Variants in KCNN2 observed in about 807,000 individuals in gnomAD.
KCNN2 encodes potassium calcium-activated channel subfamily N member 2, also known as small conductance calcium-activated potassium channel protein 2.
KCNN2 carries 24 observed loss-of-function variants against 55.5 expected under a neutral mutation model. That is an observed-to-expected ratio of 0.43 (90% CI 0.31 to 0.61). The LOEUF is 0.61. Ranked by LOEUF, KCNN2 falls within the 20% of genes least tolerant of loss-of-function variation. The pLI, the probability that KCNN2 is intolerant of heterozygous loss-of-function variation, is 0.08. For synonymous variants in KCNN2, 431 were observed against 336.1 expected, an observed-to-expected ratio of 1.28 and a Z score of -3.09; for missense variants, 754 against 853.6, an observed-to-expected ratio of 0.88 and a Z score of 1.45.
rs1758878263 is a variant in KCNN2, at chr5:114,404,573, C to T, written c.1354C>T (p.Arg452Trp). 3 of 1,613,782 alleles carry T rather than the reference C, an allele frequency of 1.9e-6. No individual in the cohort carries two copies. The highest frequency in any genetic ancestry group is 8.5e-7 in the Non-Finnish European group (1 of 1,179,978). ...GAATTATACATTCACATGGACGGCCCGGCTTGCCTTCTCCTATGCCCCATC... is the reference window on the plus strand; with the variant it reads ...GAATTATACATTCACATGGACGGCCTGGCTTGCCTTCTCCTATGCCCCATC... ...PGNYTFTWTA[R>W]LAFSYAPSTT... Residue 452 changes from arginine (R) to tryptophan (W), a missense_variant, in exon 3 of 8, where the codon CGG becomes TGG. This residue lies in a region of KCNN2 where 123 missense variants were observed against 204.9 expected (regional missense o/e 0.60). Coordinates refer to ENST00000673685, the MANE Select transcript of KCNN2 (RefSeq NM_021614.4).
chr5:114,370,330 A>G (rs1757724046), intron 2 of KCNN2, among the ~76,000 whole-genome samples: 1 of 152,170 alleles, frequency 6.6e-6, no homozygotes, highest in Non-Finnish European at 1.5e-5. Context: ...CATTTTATTT[A>G]TTCCATATTC....
intron 1 of KCNN2, among the ~76,000 whole-genome samples, chr5:114,178,748 A>C (rs1330975784): frequency 6.6e-6 from 1 of 152,220 alleles, no homozygotes; most frequent in Non-Finnish European, 1.5e-5. Context: ...TCTAAAATTA[A>C]GGTTAGTCAT....
At chr5:114,101,051 C>G (rs1388038598) in intron 1 of KCNN2, among the ~76,000 whole-genome samples, 5 of 151,772 alleles carry the variant, frequency 3.3e-5, no homozygotes, top group Non-Finnish European at 7.4e-5. Context: ...ATATTTTTCA[C>G]TATTATTATA....
intron 2 of KCNN2, among the ~76,000 whole-genome samples, chr5:114,237,541 G>C (rs1754527262): frequency 6.6e-6 from 1 of 152,028 alleles, no homozygotes; most frequent in Non-Finnish European, 1.5e-5. Flanking sequence ...GAGAGAGAAG[G>C]CTGGGGCTTT....
chr5:114,103,928 T>C (rs7724905), intron 1 of KCNN2, among the ~76,000 whole-genome samples: 32,563 of 152,124 alleles, frequency 0.21, 4,024 homozygotes, highest in African/African-American at 0.34. Context: ...GTCAGGATGA[T>C]GCTGGCCTCA....
At position 114,156,923 on chromosome 5, in the gene KCNN2, G is replaced by A. The variant is rs541803915; in HGVS notation, c.-270-64557G>A. ...ACTGATGTTCAAAATACTCAAGCAA[G>A]TATTTTTTCCAGGTTGTTTAGTTAT... On this transcript the variant is annotated intron_variant, in intron 1 of 10. Transcript: ENST00000512097. Among the ~76,000 whole-genome samples, 8 of 152,082 alleles carry A rather than the reference G, an allele frequency of 5.3e-5. No homozygotes were observed. The East Asian group carries it at 1.5e-3, about 29-fold the overall frequency.
rs973846763 is a variant in KCNN2 at position 114,283,069 on chromosome 5, C to T, written c.-185+61504C>T. Among the ~76,000 whole-genome samples the T allele has an allele frequency of 9.2e-5, 14 of 152,276 alleles. No homozygotes were observed. The South Asian group carries it at 2.7e-3, about 29-fold the overall frequency. ...TCATTCTGCAAGTGCTTTTTTAGAA[C>T]TGTTGAATAGGTACTGGTTTCTTTC... On this transcript the variant is annotated intron_variant, in intron 2 of 10. Transcript: ENST00000512097.
At chr5:114,321,440 C>A (rs1332552071) in intron 2 of KCNN2, among the ~76,000 whole-genome samples, 1 of 152,114 alleles carries the variant, frequency 6.6e-6, no homozygotes, top group Non-Finnish European at 1.5e-5. Context: ...GAAGGATATA[C>A]AGATCTCCTC....
intron 1 of KCNN2, among the ~76,000 whole-genome samples, chr5:114,214,830 C>A (rs776208849): frequency 6.6e-6 from 1 of 151,962 alleles, no homozygotes; most frequent in Non-Finnish European, 1.5e-5. Context: ...TTTCCCTGAG[C>A]GAAAATTTTA....
chr5:114,065,112 C>T (rs73782147), intron 1 of KCNN2, among the ~76,000 whole-genome samples: 3,845 of 152,218 alleles, frequency 0.025, 172 homozygotes, highest in African/African-American at 0.087. Flanking sequence ...TCACTTGTAG[C>T]GTCACCTCTA....
chr5:114,384,031 C>T (rs974198212), intron 2 of KCNN2, among the ~76,000 whole-genome samples: 1 of 152,110 alleles, frequency 6.6e-6, no homozygotes, highest in Admixed American at 6.5e-5. Context: ...CAGTGAGTAG[C>T]GAAGTTGAGA....
chr5:114,241,802 A>G (rs374534401), intron 2 of KCNN2, among the ~76,000 whole-genome samples: 9,935 of 33,190 alleles, frequency 0.3, 3,299 homozygotes, highest in South Asian at 0.48. Context: ...ATGTATATAT[A>G]TACGTATATA....
intron 2 of KCNN2, among the ~76,000 whole-genome samples, chr5:114,299,773 C>G (rs974019496): frequency 1.1e-4 from 17 of 152,172 alleles, no homozygotes; most frequent in African/African-American, 3.4e-4. Flanking sequence ...TTATCCTCAG[C>G]CACTTCTGTG....
At chr5:114,196,223 A>C (rs146728213) in intron 1 of KCNN2, among the ~76,000 whole-genome samples, 4,533 of 151,984 alleles carry the variant, frequency 0.03, 226 homozygotes, top group African/African-American at 0.1. Context: ...CCCACTTGGA[A>C]ATGGTGTATA....
chr5:114,258,993 T>C (rs1235944604), intron 2 of KCNN2, among the ~76,000 whole-genome samples: 1 of 152,180 alleles, frequency 6.6e-6, no homozygotes, highest in African/African-American at 2.4e-5. Flanking sequence ...TCCTCCAGCA[T>C]ACCTGTGCCA....
intron 2 of KCNN2, among the ~76,000 whole-genome samples, chr5:114,288,059 C>A (rs1203957008): frequency 6.6e-6 from 1 of 152,202 alleles, no homozygotes; most frequent in Admixed American, 6.5e-5. Context: ...AACCTGCTTT[C>A]TGTCATTCTG....
In KCNN2 at chr5:114,287,091, G is replaced by A. The variant is rs574114097; in HGVS notation, c.-185+65526G>A. Among the ~76,000 whole-genome samples the A allele has an allele frequency of 7.2e-5, 11 of 152,254 alleles. No individual in the cohort carries two copies. The South Asian group carries it at 1.7e-3, about 23-fold the overall frequency. On this transcript the variant is annotated intron_variant, in intron 2 of 10. Coordinates refer to the KCNN2 transcript ENST00000512097. ...CCAGTCAGTATTATATGCAGAAGAC[G>A]CCCATGGACAGAACCCTGGAGAATA...
chr5:114,487,861 G>C (rs1747650223), intron 6 of KCNN2, among the ~76,000 whole-genome samples: 1 of 152,124 alleles, frequency 6.6e-6, no homozygotes, highest in Non-Finnish European at 1.5e-5. Context: ...ATGCAGACTT[G>C]CTCTTAATTC....
intron 2 of KCNN2, among the ~76,000 whole-genome samples, chr5:114,329,918 C>T (rs951302498): frequency 4.6e-5 from 7 of 152,158 alleles, no homozygotes; most frequent in Non-Finnish European, 8.8e-5. Flanking sequence ...CCTCCTGCTG[C>T]TCCACTGGGC....
Sources: gnomAD v4.1 joint callset for allele counts (sites outside exome capture counted in the v4.1 genomes callset) on GRCh38, gnomAD v4.1.1 for gene constraint, gnomAD v4.1.1 regional missense constraint, MANE v1.5 for transcripts, NCBI Gene and HGNC (gene_info 2026-07-23, HGNC 2026-07-21) for gene names.